Variants in NOL4 observed in about 807,000 individuals in gnomAD.
The protein encoded by NOL4 is cancer/testis antigen 125.
Under a neutral mutation model 75.9 loss-of-function variants are expected in NOL4, and 17 were observed. The ratio of observed to expected loss-of-function variants is 0.22; its 90% CI spans 0.15 to 0.34. The LOEUF (loss-of-function observed/expected upper bound fraction) is 0.34, where lower values mean the gene tolerates loss of function less well. Among genes scored for constraint, NOL4 ranks in the 10% least tolerant of loss-of-function variants. The probability of loss-of-function intolerance (pLI) is 1.00; values close to 1 mark genes in which losing one functional copy is unlikely to be tolerated. For missense variants in NOL4, 614 were observed against 793.5 expected (o/e 0.77, Z 2.72); for synonymous variants, 292 against 289.9 (o/e 1.01, Z -0.07).
intron 1 of NOL4, among the ~76,000 whole-genome samples, chr18:34,151,917 G>C (rs906851310): frequency 3.3e-5 from 5 of 151,810 alleles, no homozygotes; most frequent in African/African-American, 7.2e-5. Flanking sequence ...TTGCTGTCCT[G>C]TGCGGCAACA....
chr18:33,857,430 T>C (rs2144182212), intron 10 of NOL4, among the ~76,000 whole-genome samples: 1 of 152,146 alleles, frequency 6.6e-6, no homozygotes, highest in South Asian at 2.1e-4. Flanking sequence ...CAGCATAAGC[T>C]TTGCATATAA....
chr18:33,979,257 T>C (rs1425880542), intron 6 of NOL4, among the ~76,000 whole-genome samples: 1 of 151,936 alleles, frequency 6.6e-6, no homozygotes, highest in African/African-American at 2.4e-5. Context: ...CATTCCCCTT[T>C]AGAGGTAGTA....
At chr18:34,075,997 TAAGA>T (rs1263994736) in intron 5 of NOL4, among the ~76,000 whole-genome samples, 3 of 152,114 alleles carry the variant, frequency 2.0e-5, no homozygotes, top group Non-Finnish European at 4.4e-5. Context: ...AAATTTTTTA[TAAGA>T]AAGAAAATAT....
chr18:34,185,331 C>A (rs1400198262), intron 1 of NOL4, among the ~76,000 whole-genome samples: 2 of 152,086 alleles, frequency 1.3e-5, no homozygotes, highest in Non-Finnish European at 2.9e-5. Flanking sequence ...GCCAAAGGAT[C>A]GGGATTTTTC....
At chr18:34,116,114 T>C (rs547918943) in intron 2 of NOL4, among the ~76,000 whole-genome samples, 336 of 152,302 alleles carry the variant, frequency 2.2e-3, no homozygotes, top group Admixed American at 4.8e-3. Flanking sequence ...AGTATAGCAA[T>C]ACTTCCATAT....
chr18:33,957,250 T>C (rs1317691888), intron 8 of NOL4, 76 bp downstream of exon 8: 1 of 1,232,402 alleles, frequency 8.1e-7, no homozygotes, highest in Non-Finnish European at 1.1e-6. Context: ...GACACTAAGA[T>C]GGAAAAAAAA....
At chr18:34,215,812 C>A (rs933115698) in intron 1 of NOL4, among the ~76,000 whole-genome samples, 2 of 152,054 alleles carry the variant, frequency 1.3e-5, no homozygotes, top group African/African-American at 4.8e-5. Context: ...TTTGCTCCCC[C>A]AAAACTTAAC....
intron 6 of NOL4, among the ~76,000 whole-genome samples, chr18:33,963,237 G>C (rs1436220600): frequency 1.3e-5 from 2 of 152,136 alleles, no homozygotes; most frequent in Admixed American, 6.6e-5. Context: ...ACTAGTCTGA[G>C]ATAAGAACCA....
chr18:33,937,137 T>C (rs765207861), intron 9 of NOL4, among the ~76,000 whole-genome samples: 1 of 151,904 alleles, frequency 6.6e-6, no homozygotes, highest in Non-Finnish European at 1.5e-5. Flanking sequence ...TCTAGAAAAA[T>C]GCTATATATA....
At chr18:33,990,121 G>C (rs1568178413) in intron 6 of NOL4, among the ~76,000 whole-genome samples, 1 of 152,018 alleles carries the variant, frequency 6.6e-6, no homozygotes, top group Non-Finnish European at 1.5e-5. Flanking sequence ...AGTGTATGAT[G>C]AAAAATCAAA....
chr18:34,221,619 A>AG (rs1479269767), intron 1 of NOL4: 2 of 154,658 alleles, frequency 1.3e-5, no homozygotes, highest in African/African-American at 4.8e-5. Context: ...AAAAAAAAAA[A>AG]ACCACCACAG....
chr18:33,865,206 T>C (rs1388432389), intron 10 of NOL4, among the ~76,000 whole-genome samples: 2 of 152,122 alleles, frequency 1.3e-5, no homozygotes, highest in African/African-American at 4.8e-5. Flanking sequence ...CCTTAGGGAC[T>C]TGGGTCCAGG....
chr18:33,892,117 T>C (rs150305652), intron 9 of NOL4, among the ~76,000 whole-genome samples: 354 of 152,210 alleles, frequency 2.3e-3, no homozygotes, highest in African/African-American at 7.7e-3. Context: ...TATTTTCCAC[T>C]GGAAGCAAAT....
intron 1 of NOL4, among the ~76,000 whole-genome samples, chr18:34,167,622 G>A (rs1334317849): frequency 2.6e-5 from 4 of 151,956 alleles, no homozygotes; most frequent in Non-Finnish European, 5.9e-5. Context: ...CATTTTAAAT[G>A]TATTGTTAAG....
At chr18:33,959,936 A>AGT (rs140614140) in intron 6 of NOL4, among the ~76,000 whole-genome samples, 13,570 of 148,834 alleles carry the variant, frequency 0.091, 653 homozygotes, top group Non-Finnish European at 0.11. Flanking sequence ...TTTCTTTCTA[A>AGT]GTGTGTGTGT....
At chr18:34,211,373 G>A (rs779813380) in intron 1 of NOL4, among the ~76,000 whole-genome samples, 57 of 152,124 alleles carry the variant, frequency 3.7e-4, no homozygotes, top group Admixed American at 9.8e-4. Flanking sequence ...AGAGAACAAT[G>A]ACCCACATCT....
In NOL4 at chr18:34,019,584, T is replaced by C; in HGVS notation, c.790A>G (p.Ser264Gly). Residue 264 changes from serine to glycine, a missense_variant, in exon 6 of 11, where the codon AGC (serine) becomes GGC (glycine). By Grantham distance (56) the Ser-to-Gly change is moderately conservative. This residue lies in a region of NOL4 where 135 missense variants were observed against 220.4 expected (regional missense o/e 0.61). Transcript: ENST00000261592. ...GQQDDDSAAE[S>G]FNGNETLGHS... Reference sequence around the variant, plus strand: ...CCCAGAGTCTCATTGCCATTAAAGCTCTCTGCAGCAGAATCATCTGTTGGA... The same window carrying C: ...CCCAGAGTCTCATTGCCATTAAAGCCCTCTGCAGCAGAATCATCTGTTGGA... 6.2e-7 allele frequency: 1 copy of C among 1,612,572 alleles called. No homozygotes were observed. The highest frequency in any genetic ancestry group is 8.5e-7 in the Non-Finnish European group (1 of 1,178,834).
chr18:34,031,519 G>C (rs1353311969), intron 5 of NOL4, among the ~76,000 whole-genome samples: 1 of 152,144 alleles, frequency 6.6e-6, no homozygotes, highest in Non-Finnish European at 1.5e-5. Flanking sequence ...TGATTTGATA[G>C]ACCCTCATTA....
intron 9 of NOL4, among the ~76,000 whole-genome samples, chr18:33,894,206 C>G (rs892877677): frequency 6.6e-6 from 1 of 151,986 alleles, no homozygotes; most frequent in Non-Finnish European, 1.5e-5. Flanking sequence ...CATAGAAATT[C>G]TGCGAGATCC....
Sources: allele counts gnomAD v4.1 joint callset (sites outside exome capture counted in the v4.1 genomes callset), GRCh38; gene constraint gnomAD v4.1.1; regional missense constraint gnomAD v4.1.1; transcripts MANE v1.5; gene names NCBI Gene and HGNC (gene_info 2026-07-23, HGNC 2026-07-21).